PPP1R7: variants seen among roughly 807,000 people sequenced by gnomAD.
PPP1R7 encodes protein phosphatase 1 regulatory subunit 7.
PPP1R7 carries 18 observed loss-of-function variants against 45.2 expected under a neutral mutation model. The observed-to-expected ratio is 0.40, with a 90% CI of 0.28 to 0.59. The LOEUF is 0.59. PPP1R7 is among the 20% of genes least tolerant of loss of function. The probability of loss-of-function intolerance (pLI) is 0.46; values close to 1 mark genes in which losing one functional copy is unlikely to be tolerated. For missense variants in PPP1R7, 314 were observed against 455.8 expected, an observed-to-expected ratio of 0.69 and a Z score of 2.83; for synonymous variants, 181 against 183.4, an observed-to-expected ratio of 0.99 and a Z score of 0.11.
chr2:241,166,295 C>A, intron 7 of PPP1R7, 42 bp from the exon 8 acceptor site: 1 of 1,517,130 alleles, frequency 6.6e-7, no homozygotes. Flanking sequence ...CATTTCATAC[C>A]TTCTGTACTG....
intron 8 of PPP1R7, among the ~76,000 whole-genome samples, chr2:241,168,720 T>C (rs540585494): frequency 6.6e-6 from 1 of 152,170 alleles, no homozygotes; most frequent in African/African-American, 2.4e-5. Context: ...TGGTGCCAGC[T>C]GGGGTGCTGG....
At chr2:241,150,165 G>A, upstream of PPP1R7, 1 of 1,270,986 alleles carries the variant, frequency 7.9e-7, no homozygotes, top group Non-Finnish European at 9.9e-7. Context: ...CTCAAGCCCA[G>A]GGCGTCTCTC....
At chr2:241,150,145 TA>T (rs2067217710), upstream of PPP1R7, 1 of 1,266,812 alleles carries the variant, frequency 7.9e-7, no homozygotes, top group Non-Finnish European at 9.9e-7. Context: ...GACAGTGACA[TA>T]AGTCAACTCT....
At chr2:241,169,032 C>G (rs1044838731) in intron 8 of PPP1R7, among the ~76,000 whole-genome samples, 9 of 152,136 alleles carry the variant, frequency 5.9e-5, no homozygotes, top group South Asian at 2.1e-4. Context: ...TGATGAGAAA[C>G]AAAATTATTA....
At chr2:241,151,894 A>G (rs1219272708) in intron 1 of PPP1R7, among the ~76,000 whole-genome samples, 1 of 152,098 alleles carries the variant, frequency 6.6e-6, no homozygotes, top group East Asian at 1.9e-4. Flanking sequence ...CCAGCCCATC[A>G]TCCCCAGTAC....
rs2068037256 is a variant in PPP1R7, at chr2:241,183,150, A to C, written c.*327A>C. The C allele has an allele frequency of 2.5e-6, 1 of 401,782 alleles. No individual in the cohort carries two copies. Among genetic ancestry groups the C allele is most frequent in the Non-Finnish European group, 4.8e-6 (1 of 210,256 alleles). The allele number at this position is 401,782 out of a possible 1,614,324, so 24.9% of individuals were successfully genotyped here. On this transcript the variant is annotated 3_prime_UTR_variant, in exon 10 of 10. Coordinates refer to ENST00000234038, the MANE Select transcript of PPP1R7 (RefSeq NM_002712.3). ...TCACAGTCCCTACCTGAGTCGTGTGAAACACAGGGCCTGAGAGTGCTTTAC... is the reference window on the plus strand; with the variant it reads ...TCACAGTCCCTACCTGAGTCGTGTGCAACACAGGGCCTGAGAGTGCTTTAC...
At chr2:241,160,593 A>G (rs1488577910) in intron 6 of PPP1R7, 99 bp downstream of exon 6, 1 of 1,032,176 alleles carries the variant, frequency 9.7e-7, no homozygotes, top group Non-Finnish European at 1.3e-6. Flanking sequence ...GTGAGTCTGC[A>G]TTTCTTACAA....
chr2:241,164,072 A>G (rs927592922), intron 7 of PPP1R7, among the ~76,000 whole-genome samples: 5 of 152,140 alleles, frequency 3.3e-5, no homozygotes, highest in African/African-American at 1.2e-4. Context: ...ACACAGCACC[A>G]TGCCTGGCTA....
chr2:241,160,855 T>G (rs28681660), intron 6 of PPP1R7, among the ~76,000 whole-genome samples: 1 of 152,198 alleles, frequency 6.6e-6, no homozygotes, highest in African/African-American at 2.4e-5. Context: ...TTCTTCGAGA[T>G]GAAAGTTTCC....
upstream of PPP1R7, chr2:241,150,272 G>T: frequency 7.6e-7 from 1 of 1,320,760 alleles, no homozygotes. Context: ...CTCGCCTCCA[G>T]ACTGTTCCGG....
intron 8 of PPP1R7, among the ~76,000 whole-genome samples, chr2:241,169,318 A>C (rs1318328005): frequency 6.6e-6 from 1 of 152,184 alleles, no homozygotes; most frequent in Admixed American, 6.5e-5. Flanking sequence ...ACTGAGCCCC[A>C]AGTTCCTCAT....
At chr2:241,163,519 G>A in intron 7 of PPP1R7, 118 bp downstream of exon 7, 1 of 701,234 alleles carries the variant, frequency 1.4e-6, no homozygotes, top group Non-Finnish European at 2.5e-6. Flanking sequence ...TGCACTATTA[G>A]TAAGCAATTG....
chr2:241,168,630 G>T (rs1306343731), intron 8 of PPP1R7, among the ~76,000 whole-genome samples: 1 of 152,186 alleles, frequency 6.6e-6, no homozygotes, highest in East Asian at 1.9e-4. Context: ...GCACCGAGAT[G>T]GGGTGGTTTG....
intron 9 of PPP1R7, among the ~76,000 whole-genome samples, chr2:241,180,388 TAAAAAA>T (rs58267372): frequency 3.9e-4 from 39 of 99,978 alleles, no homozygotes; most frequent in African/African-American, 7.9e-4. Flanking sequence ...GCTGGTGAGC[TAAAAAA>T]AAAAAAAAAA....
chr2:241,163,231 G>T (rs1486170598), intron 6 of PPP1R7, 54 bp from the exon 7 acceptor site: 5 of 1,259,006 alleles, frequency 4.0e-6, no homozygotes, highest in Non-Finnish European at 5.8e-6. Context: ...CCTGCTGGCT[G>T]CCTGGGGCAG....
chr2:241,151,210 A>G (rs2067291467), intron 1 of PPP1R7, among the ~76,000 whole-genome samples: 1 of 152,236 alleles, frequency 6.6e-6, no homozygotes, highest in African/African-American at 2.4e-5. Flanking sequence ...GTGCACGTAC[A>G]GTATGTGTGT....
At chr2:241,164,214 T>C (rs1429937635) in intron 7 of PPP1R7, among the ~76,000 whole-genome samples, 2 of 152,156 alleles carry the variant, frequency 1.3e-5, no homozygotes, top group African/African-American at 4.8e-5. Flanking sequence ...TTTTGGCTTT[T>C]TCCACCCACC....
At chr2:241,177,432 T>G (rs1255749277) in intron 9 of PPP1R7, among the ~76,000 whole-genome samples, 2 of 150,804 alleles carry the variant, frequency 1.3e-5, no homozygotes, top group Non-Finnish European at 3.0e-5. Flanking sequence ...AAAAAAATCA[T>G]AGAGAGCTTC....
chr2:241,150,313 G>A, upstream of PPP1R7: 5 of 1,334,460 alleles, frequency 3.7e-6, no homozygotes, highest in African/African-American at 1.5e-5. Context: ...TGCTCTGGGG[G>A]AGGCGCGGCG....
Sources: allele counts gnomAD v4.1 joint callset (sites outside exome capture counted in the v4.1 genomes callset), GRCh38; gene constraint gnomAD v4.1.1; transcripts MANE v1.5; gene names NCBI Gene and HGNC (gene_info 2026-07-23, HGNC 2026-07-21).